IPO11: variants seen among roughly 807,000 people sequenced by gnomAD.
The protein encoded by IPO11 is importin-11.
Under a neutral mutation model 143.2 loss-of-function variants are expected in IPO11, and 66 were observed. That is an observed-to-expected ratio of 0.46 (90% confidence interval 0.38 to 0.57). The LOEUF (loss-of-function observed/expected upper bound fraction) is 0.57. Among genes scored for constraint, IPO11 ranks in the 20% least tolerant of loss-of-function variants. The probability of loss-of-function intolerance (pLI) is 0.00; values close to 1 mark genes in which losing one functional copy is unlikely to be tolerated. For synonymous variants in IPO11, 385 were observed against 377.8 expected, an observed-to-expected ratio of 1.02 and a Z score of -0.22; for missense variants, 1,026 against 1,141.0, an observed-to-expected ratio of 0.90 and a Z score of 1.45.
chr5:62,421,982 C>T (rs768760879), intron 1 of IPO11, among the ~76,000 whole-genome samples: 11 of 152,190 alleles, frequency 7.2e-5, no homozygotes, highest in Non-Finnish European at 1.6e-4. Context: ...CTCTTACACT[C>T]AGCAAAAAGT....
chr5:62,607,049 G>A (rs1745746334), intron 29 of IPO11, among the ~76,000 whole-genome samples: 1 of 152,134 alleles, frequency 6.6e-6, no homozygotes, highest in East Asian at 1.9e-4. Context: ...CAAGGATGGA[G>A]AACAGTGCTG....
chr5:62,474,585 T>A, intron 8 of IPO11, 121 bp downstream of exon 8: 2 of 723,370 alleles, frequency 2.8e-6, no homozygotes, highest in African/African-American at 1.9e-5. Flanking sequence ...ATAGCTTCTG[T>A]TGCACACTTA....
chr5:62,522,080 C>T (rs758251119), intron 20 of IPO11, among the ~76,000 whole-genome samples: 9 of 152,046 alleles, frequency 5.9e-5, no homozygotes, highest in Non-Finnish European at 1.2e-4. Flanking sequence ...TGTTGATCCT[C>T]GGTTGCCTTC....
At chr5:62,604,724 C>T (rs1745640014) in intron 29 of IPO11, among the ~76,000 whole-genome samples, 2 of 152,086 alleles carry the variant, frequency 1.3e-5, no homozygotes, top group Non-Finnish European at 2.9e-5. Flanking sequence ...TTTATATTAT[C>T]ATCTCTAGTA....
chr5:62,522,863 G>A (rs535972816), intron 20 of IPO11, among the ~76,000 whole-genome samples: 24 of 152,318 alleles, frequency 1.6e-4, no homozygotes, highest in Middle Eastern at 3.4e-3. Context: ...ATCTGGATGA[G>A]ATCTTGGCAT....
Position 62,591,649 on chromosome 5 carries a change from T to A in IPO11, c.2655T>A (p.Asp885Glu), listed in dbSNP as rs773312265. 1.9e-6 allele frequency: 3 copies of A among 1,606,792 alleles called. No individual in the cohort carries two copies. Among genetic ancestry groups the A allele is most frequent in the Admixed American group, 1.7e-5 (1 of 58,852 alleles). Residue 885 changes from aspartate to glutamate, a missense_variant, in exon 28 of 30, where the codon GAT (aspartate) becomes GAA (glutamate). Around this residue, in one of 5 missense-constraint regions of IPO11, gnomAD observed 351 missense variants for 358.9 expected, o/e 0.98. Transcript: ENST00000325324. The part of the protein sequence containing the change: ...VEGLHDVMTE[D>E]PETGTYKDCM... ...GCCTGCATGATGTCATGACGGAAGATCCTGAAACAGGAACTTATAAAGAGT... is the reference window on the plus strand; with the variant it reads ...GCCTGCATGATGTCATGACGGAAGAACCTGAAACAGGAACTTATAAAGAGT...
chr5:62,480,932 TGGA>T (rs1746178739), intron 9 of IPO11, among the ~76,000 whole-genome samples: 5 of 112,484 alleles, frequency 4.4e-5, no homozygotes, highest in East Asian at 2.3e-4. Flanking sequence ...TTTTTTTTTT[TGGA>T]GACAGAGTCT....
At chr5:62,467,459 A>G (rs1414194670) in intron 6 of IPO11, among the ~76,000 whole-genome samples, 196 bp downstream of exon 6, 2 of 116,924 alleles carry the variant, frequency 1.7e-5, no homozygotes, top group African/African-American at 6.0e-5. Flanking sequence ...TTGAAAGCAC[A>G]TATAATAAGT....
Position 62,522,864 on chromosome 5 carries a change from A to G in IPO11, c.1897-3278A>G, listed in dbSNP as rs538969282. Among the ~76,000 whole-genome samples, 2 of 152,298 alleles carry G rather than the reference A, an allele frequency of 1.3e-5. 1 individual carries two copies. Among genetic ancestry groups the G allele is most frequent in the South Asian group, 4.1e-4 (2 of 4,822 alleles). On this transcript the variant is annotated intron_variant, in intron 20 of 29. Coordinates refer to ENST00000325324, the MANE Select transcript of IPO11 (RefSeq NM_016338.5). ...TTGTCTCCTTATGTATCTGGATGAG[A>G]TCTTGGCATCAAACTGCTTTCTAAA... is the stretch of plus-strand genomic sequence containing the variant.
At chr5:62,619,132 G>A (rs1156414392) in intron 29 of IPO11, among the ~76,000 whole-genome samples, 1 of 152,138 alleles carries the variant, frequency 6.6e-6, no homozygotes, top group African/African-American at 2.4e-5. Flanking sequence ...GAATGGCTGA[G>A]GCAGAAGACT....
At chr5:62,462,287 A>T (rs1439802789) in intron 5 of IPO11, among the ~76,000 whole-genome samples, 2 of 152,124 alleles carry the variant, frequency 1.3e-5, no homozygotes, top group Non-Finnish European at 2.9e-5. Flanking sequence ...CCATGTTTAA[A>T]TGCTTCCTTT....
chr5:62,508,158 G>GCT (rs1266388744), intron 19 of IPO11, among the ~76,000 whole-genome samples: 1 of 152,018 alleles, frequency 6.6e-6, no homozygotes. Context: ...ATGAAGTCTT[G>GCT]CTCTCCCCCC....
intron 1 of IPO11, among the ~76,000 whole-genome samples, chr5:62,428,159 G>A (rs1743828619): frequency 6.6e-6 from 1 of 151,586 alleles, no homozygotes; most frequent in South Asian, 2.1e-4. Flanking sequence ...TGATCTTTTT[G>A]GCCCTGAGTT....
chr5:62,510,964 C>T lies in IPO11; in HGVS notation c.1783-4424C>T, dbSNP rs564392391. On this transcript the variant is annotated intron_variant, in intron 19 of 29. Coordinates refer to ENST00000325324, the MANE Select transcript of IPO11 (RefSeq NM_016338.5). ...GCCAGGCTGGTTTTGAACTCCTGAC[C>T]TTCAAGCGATCTGCCCTCCTTGGCC... Among the ~76,000 whole-genome samples the T allele has an allele frequency of 8.2e-4, 125 of 152,262 alleles. 2 individuals are homozygous for T. The South Asian group carries it at 8.7e-3, about 11-fold the overall frequency.
intron 26 of IPO11, among the ~76,000 whole-genome samples, chr5:62,557,600 C>T (rs560399666): frequency 6.6e-6 from 1 of 152,298 alleles, no homozygotes; most frequent in South Asian, 2.1e-4. Context: ...ACTGTTATTC[C>T]TCCATCTATA....
intron 1 of IPO11, among the ~76,000 whole-genome samples, chr5:62,434,628 A>G (rs548182962): frequency 1.3e-5 from 2 of 152,234 alleles, no homozygotes; most frequent in East Asian, 1.9e-4. Flanking sequence ...TGTAAAATAT[A>G]CACAGGATTT....
chr5:62,469,674 A>G (rs957778470), intron 6 of IPO11, among the ~76,000 whole-genome samples: 1 of 152,200 alleles, frequency 6.6e-6, no homozygotes, highest in South Asian at 2.1e-4. Flanking sequence ...AAGTAGTATT[A>G]CAACTGTAGA....
intron 24 of IPO11, among the ~76,000 whole-genome samples, chr5:62,545,851 C>G (rs545675308): frequency 6.6e-6 from 1 of 152,232 alleles, no homozygotes; most frequent in African/African-American, 2.4e-5. Flanking sequence ...GAAAAAATGC[C>G]CATCATCACT....
At chr5:62,572,845 T>A (rs1351856022) in intron 27 of IPO11, among the ~76,000 whole-genome samples, 1 of 152,130 alleles carries the variant, frequency 6.6e-6, no homozygotes, top group Non-Finnish European at 1.5e-5. Flanking sequence ...GGCCTCCCAA[T>A]ATGCTGGGAT....
Sources: gnomAD v4.1 joint callset for allele counts (sites outside exome capture counted in the v4.1 genomes callset) on GRCh38, gnomAD v4.1.1 for gene constraint, gnomAD v4.1.1 regional missense constraint, MANE v1.5 for transcripts, NCBI Gene and HGNC (gene_info 2026-07-23, HGNC 2026-07-21) for gene names.